SZT2: variants seen among roughly 807,000 people sequenced by gnomAD.
The protein encoded by SZT2 is SZT2 subunit of KICSTOR complex, also known as KICSTOR complex protein SZT2.
In SZT2, 216 loss-of-function variants were observed where a neutral mutation model predicts 404.2. The ratio of observed to expected loss-of-function variants is 0.53; its 90% CI spans 0.48 to 0.60. The LOEUF is 0.60. Ranked by LOEUF, SZT2 falls within the 20% of genes least tolerant of loss-of-function variation. SZT2 has a pLI of 0.00. For synonymous variants in SZT2, 1,693 were observed against 1,749.9 expected (o/e 0.97, Z 0.81); for missense variants, 3,857 against 4,459.2 (o/e 0.86, Z 3.85).
In SZT2 at chr1:43,425,563, C is replaced by T. The variant is rs1179220237; in HGVS notation, c.2735C>T (p.Pro912Leu). ...CTGGTCACTGAGGTGTGGGTGGAGC[C>T]ACAGTATGGGCGAGTGGGACCTGGC... ...LNLVTEVWVE[P>L]QYGRVGPGPG... Residue 912 changes from proline to leucine, a missense_variant, in exon 19 of 72, where the codon CCA (proline) becomes CTA (leucine). Pro to Leu is a moderately conservative substitution (Grantham distance 98). Around this residue, in one of 7 missense-constraint regions of SZT2, gnomAD observed 1,725 missense variants for 1,881.0 expected, o/e 0.92. Transcript: ENST00000634258. This position sits in a 1 kb window ranked among gnomAD's most constrained non-coding sequence, Gnocchi z 4.3. The T allele has an allele frequency of 1.2e-6, 2 of 1,614,168 alleles. No homozygotes were observed. Among genetic ancestry groups the T allele is most frequent in the Non-Finnish European group, 1.7e-6 (2 of 1,180,032 alleles).
chr1:43,392,242 T>G (rs991616580), intron 1 of SZT2, among the ~76,000 whole-genome samples: 2 of 152,022 alleles, frequency 1.3e-5, no homozygotes, highest in African/African-American at 4.8e-5. Flanking sequence ...TGGTACCAAG[T>G]CTTTAAAATC....
chr1:43,393,121 TGAC>T (rs1648604653), intron 1 of SZT2, among the ~76,000 whole-genome samples: 1 of 152,138 alleles, frequency 6.6e-6, no homozygotes, highest in Non-Finnish European at 1.5e-5. Flanking sequence ...CTCAGAAGAA[TGAC>T]ATTTAAGCTG....
At position 43,439,554 on chromosome 1, in the gene SZT2, G is replaced by T; in HGVS notation, c.6878-51G>T. 1 of 1,610,516 alleles carries T rather than the reference G, an allele frequency of 6.2e-7. No individual in the cohort carries two copies. Among genetic ancestry groups the T allele is most frequent in the Non-Finnish European group, 8.5e-7 (1 of 1,177,976 alleles). On this transcript the variant is annotated intron_variant, in intron 49 of 71. Transcript: ENST00000634258. This position sits in a 1 kb window ranked among gnomAD's most constrained non-coding sequence, Gnocchi z 4.2. ...TGCAGCTGAGTGGAGGGTCGTGGGA[G>T]GGGTGGTCTGCAAGTCCCAGAGCTG...
chr1:43,413,127 C>T (rs1557527990), intron 4 of SZT2, among the ~76,000 whole-genome samples: 1 of 152,196 alleles, frequency 6.6e-6, no homozygotes, highest in Non-Finnish European at 1.5e-5. Context: ...ATAGGCTGGG[C>T]ACGGTGCCTC....
chr1:43,453,649 C>T lies in SZT2; in HGVS notation c.*3169C>T, dbSNP rs1311944640. 3 of 1,491,130 alleles carry T rather than the reference C, an allele frequency of 2.0e-6. No homozygotes were observed. Among genetic ancestry groups the T allele is most frequent in the Non-Finnish European group, 2.7e-6 (3 of 1,127,876 alleles). 92.4% of individuals were successfully genotyped at this position (1,491,130 alleles called of 1,614,324 possible). ...AGCCCCGCTTCTCGCGCGGCGCGCG[C>T]CAGCGCCTCAGGCGTCTCCGCGTAC... On this transcript the variant is annotated 3_prime_UTR_variant, in exon 72 of 72. Coordinates refer to ENST00000634258, the MANE Select transcript of SZT2 (RefSeq NM_001365999.1).
Position 43,438,724 on chromosome 1 carries a change from G to A in SZT2, c.6534G>A (p.Val2178=), listed in dbSNP as rs768638764. The A allele has an allele frequency of 2.5e-6, 4 of 1,613,986 alleles. No homozygotes were observed. Among genetic ancestry groups the A allele is most frequent in the South Asian group, 1.1e-5 (1 of 91,086 alleles). ...GTCCTGAGATCACGGATGAGCTCGTGCGAGTTCTATGTCGGCGCCTGGATG... is the reference window on the plus strand; with the variant it reads ...GTCCTGAGATCACGGATGAGCTCGTACGAGTTCTATGTCGGCGCCTGGATG... The part of the protein sequence containing the change: ...QAGPEITDEL[V]RVLCRRLDEA... Residue 2178 remains valine (V), a synonymous_variant, in exon 47 of 72, where the codon GTG becomes GTA. Transcript: ENST00000634258.
chr1:43,431,690 C>G, intron 35 of SZT2, 26 bp from the exon 36 acceptor site: 2 of 1,612,166 alleles, frequency 1.2e-6, no homozygotes, highest in Non-Finnish European at 8.5e-7. Flanking sequence ...GGGAGATGCC[C>G]TTTGTCACTT....
chr1:43,391,255 G>C (rs924587585), intron 1 of SZT2, among the ~76,000 whole-genome samples: 1 of 151,614 alleles, frequency 6.6e-6, no homozygotes, highest in Admixed American at 6.6e-5. Flanking sequence ...TGGAGGTTGC[G>C]ATGAGCTGAG....
chr1:43,453,890 C>T lies in SZT2; in HGVS notation c.*3410C>T. Reference sequence around the variant, plus strand: ...CGGGGGCGGGGCTCTCCTTGCTGGCCCTGCGAACGAACGAGCACTGTTCGT... The same window carrying T: ...CGGGGGCGGGGCTCTCCTTGCTGGCTCTGCGAACGAACGAGCACTGTTCGT... On this transcript the variant is annotated 3_prime_UTR_variant, in exon 72 of 72. Transcript: ENST00000634258. 1 of 1,223,320 alleles carries T rather than the reference C, an allele frequency of 8.2e-7. No homozygotes were observed. Among genetic ancestry groups the T allele is most frequent in the Non-Finnish European group, 1.0e-6 (1 of 984,096 alleles). 75.8% of individuals were successfully genotyped at this position (1,223,320 alleles called of 1,614,324 possible).
In SZT2 at chr1:43,448,369, T is replaced by G; in HGVS notation, c.9854T>G (p.Leu3285Arg). Residue 3285 changes from leucine (L) to arginine (R), a missense_variant, in exon 69 of 72, where the codon CTG becomes CGG. Around this residue, in one of 7 missense-constraint regions of SZT2, gnomAD observed 717 missense variants for 868.2 expected, o/e 0.83. Transcript: ENST00000634258. This position sits in a 1 kb window ranked among gnomAD's most constrained non-coding sequence, Gnocchi z 4.2. ...RDTLWKRLFL[L>R]EPPGPDRLRL... Reference sequence around the variant, plus strand: ...ACCCTTTGGAAGCGCCTCTTCTTGCTGGAGCCACCGGGGCCTGATCGACTG... The same window carrying G: ...ACCCTTTGGAAGCGCCTCTTCTTGCGGGAGCCACCGGGGCCTGATCGACTG... 1.9e-6 allele frequency: 3 copies of G among 1,557,744 alleles called. No individual in the cohort carries two copies. The highest frequency in any genetic ancestry group is 2.6e-6 in the Non-Finnish European group (3 of 1,150,688).
chr1:43,432,543 T>G lies in SZT2; in HGVS notation c.5469T>G (p.Pro1823=), dbSNP rs1654024616. The part of the protein sequence containing the change: ...GETLTASPQA[P]GSPEDSEGVP... ...CCCTGACAGCCAGCCCCCAAGCACC[T>G]GGGTCCCCAGAGGATTCTGAGGGTG... The change falls in exon 38 of 72, where the codon CCT becomes CCG. Residue 1823 remains proline, a synonymous_variant. Coordinates refer to ENST00000634258, the MANE Select transcript of SZT2 (RefSeq NM_001365999.1). The G allele has an allele frequency of 1.9e-6, 3 of 1,612,260 alleles. No individual in the cohort carries two copies. The highest frequency in any genetic ancestry group is 1.7e-5 in the Admixed American group (1 of 59,808).
At chr1:43,403,952 A>G (rs1374543567) in intron 3 of SZT2, 178 bp downstream of exon 3, 5 of 704,034 alleles carry the variant, frequency 7.1e-6, no homozygotes, top group African/African-American at 1.8e-5. Flanking sequence ...ACTCATGCCT[A>G]CAATCCCAGT....
In SZT2 at chr1:43,453,787, G is replaced by T. The variant is rs1164288135; in HGVS notation, c.*3307G>T. 2 of 1,281,998 alleles carry T rather than the reference G, an allele frequency of 1.6e-6. No homozygotes were observed. Among genetic ancestry groups the T allele is most frequent in the East Asian group, 6.2e-5 (2 of 32,182 alleles). The allele number at this position is 1,281,998 out of a possible 1,614,324, so 79.4% of individuals were successfully genotyped here. A position where few individuals can be genotyped will look rare whatever the true frequency, so the allele number is the denominator to read the frequency against. ...GACAGATTGGCGGAGAAGCGCAGCG[G>T]CGCCATGCCTGGGGAGGCCGGGCCG... On this transcript the variant is annotated 3_prime_UTR_variant, in exon 72 of 72. Transcript: ENST00000634258.
chr1:43,390,120 G>C (rs1048955997), intron 1 of SZT2, 125 bp downstream of exon 1: 1 of 1,172,012 alleles, frequency 8.5e-7, no homozygotes, highest in East Asian at 3.2e-5. Context: ...GCAGGGACCA[G>C]CCCAGCCCGG....
At chr1:43,406,488 A>G (rs1260226550) in intron 4 of SZT2, 1 of 162,710 alleles carries the variant, frequency 6.1e-6, no homozygotes, top group Non-Finnish European at 1.4e-5. Context: ...AGGGACCAGC[A>G]AAAGCAAATA....
Position 43,448,589 on chromosome 1 carries a change from C to T in SZT2, c.9970-23C>T, listed in dbSNP as rs370154542. The T allele has an allele frequency of 1.1e-5, 17 of 1,613,856 alleles. No homozygotes were observed. In the African/African-American group the frequency reaches 1.9e-4, roughly 18 times the overall value. Reference sequence around the variant, plus strand: ...TCTGAGGTGACTGGCACAGAAGACTCAGGCCTGTGGCTCCTCCCTCAGGAC... The same window carrying T: ...TCTGAGGTGACTGGCACAGAAGACTTAGGCCTGTGGCTCCTCCCTCAGGAC... On this transcript the variant is annotated intron_variant, in intron 69 of 71. Transcript: ENST00000634258. The surrounding 1 kb of genome is among the most constrained non-coding windows in gnomAD (Gnocchi z 4.2).
Position 43,439,521 on chromosome 1 carries a change from C to A in SZT2, c.6877+79C>A. The A allele has an allele frequency of 6.2e-7, 1 of 1,600,504 alleles. No individual in the cohort carries two copies. Among genetic ancestry groups the A allele is most frequent in the Admixed American group, 1.7e-5 (1 of 58,744 alleles). On this transcript the variant is annotated intron_variant, in intron 49 of 71. Coordinates refer to ENST00000634258, the MANE Select transcript of SZT2 (RefSeq NM_001365999.1). The surrounding 1 kb of genome is among the most constrained non-coding windows in gnomAD (Gnocchi z 4.2). ...TCATCCTATTGCTAAGAGGACATTT[C>A]CCAGGCTTGCAGCTGAGTGGAGGGT...
chr1:43,424,050 G>T lies in SZT2; in HGVS notation c.2256-167G>T, dbSNP rs953395175. Among the ~76,000 whole-genome samples, 3 of 149,892 alleles carry T rather than the reference G, an allele frequency of 2.0e-5. No homozygotes were observed. Among genetic ancestry groups the T allele is most frequent in the African/African-American group, 7.4e-5 (3 of 40,462 alleles). On this transcript the variant is annotated intron_variant, in intron 15 of 71. Coordinates refer to ENST00000634258, the MANE Select transcript of SZT2 (RefSeq NM_001365999.1). The surrounding 1 kb of genome is among the most constrained non-coding windows in gnomAD (Gnocchi z 4.1). ...AGGTGTGGAAGGGCGTGGCTTAGCCGGGTATGAGTGGTACAGAGGTGTGGA... is the reference window on the plus strand; with the variant it reads ...AGGTGTGGAAGGGCGTGGCTTAGCCTGGTATGAGTGGTACAGAGGTGTGGA...
At chr1:43,414,931 G>A in intron 4 of SZT2, 151 bp from the exon 5 acceptor site, 1 of 927,366 alleles carries the variant, frequency 1.1e-6, no homozygotes, top group South Asian at 1.8e-5. Context: ...TTGGATAAGG[G>A]GGAAATTGGC....
Sources: allele counts gnomAD v4.1 joint callset (sites outside exome capture counted in the v4.1 genomes callset), GRCh38; gene constraint gnomAD v4.1.1; regional missense constraint gnomAD v4.1.1; non-coding constraint Gnocchi (gnomAD v3.1); transcripts MANE v1.5; gene names NCBI Gene and HGNC (gene_info 2026-07-23, HGNC 2026-07-21).